CEP250: variants seen among roughly 807,000 people sequenced by gnomAD.
CEP250 encodes centrosomal protein 250, also known as centrosome-associated protein CEP250.
Under a neutral mutation model 315.7 loss-of-function variants are expected in CEP250, and 242 were observed. That is an observed-to-expected ratio of 0.77 (90% CI 0.69 to 0.85). CEP250 has a LOEUF of 0.85. CEP250 is among the 40% of genes least tolerant of loss of function. CEP250 has a pLI of 0.00. For synonymous variants in CEP250, 1,088 were observed against 1,175.0 expected (o/e 0.93, Z 1.51); for missense variants, 2,515 against 2,886.4 (o/e 0.87, Z 2.95).
chr20:35,487,192 G>A lies in CEP250; in HGVS notation c.2587-3445G>A, dbSNP rs1382857215. Among the ~76,000 whole-genome samples, 7 of 152,292 alleles carry A rather than the reference G, an allele frequency of 4.6e-5. No individual in the cohort carries two copies. In the South Asian group the frequency reaches 6.2e-4, roughly 14 times the overall value. ...ATTAGAAGCACTCTTGGGAGGCCGC[G>A]CGTGGTGGCTCACACCTGTAATCCC... On this transcript the variant is annotated intron_variant, in intron 20 of 34. Transcript: ENST00000397527.
At chr20:35,478,163 A>T (rs2063227777) in intron 17 of CEP250, 62 bp downstream of exon 17, 1 of 1,074,734 alleles carries the variant, frequency 9.3e-7, no homozygotes, top group African/African-American at 1.6e-5. Context: ...ATAAAAAATT[A>T]AAACACTACA....
At chr20:35,493,365 C>CA (rs903823805) in intron 22 of CEP250, 64 bp from the exon 23 acceptor site, 134 of 1,410,948 alleles carry the variant, frequency 9.5e-5, no homozygotes, top group Non-Finnish European at 1.1e-4. Flanking sequence ...GCCACCCCAC[C>CA]AAAAAAACCA....
intron 17 of CEP250, 53 bp from the exon 18 acceptor site, chr20:35,479,178 G>T: frequency 6.4e-7 from 1 of 1,555,092 alleles, no homozygotes; most frequent in South Asian, 1.2e-5. Context: ...GGTGGTAGCG[G>T]CCCCAGGGGA....
Position 35,492,165 on chromosome 20 carries a change from A to G in CEP250, c.2889+819A>G, listed in dbSNP as rs141425064. 5.6e-4 allele frequency among the ~76,000 whole-genome samples: 86 copies of G among 152,322 alleles called. No individual in the cohort carries two copies. In the East Asian group the frequency reaches 0.013, roughly 23 times the overall value. On this transcript the variant is annotated intron_variant, in intron 22 of 34. Coordinates refer to ENST00000397527, the MANE Select transcript of CEP250 (RefSeq NM_007186.6). ...ATCTGAGCTGAGACTTGAAGGTTAGAAAGAAACCAGCTCCGTGATACAACA... is the reference window on the plus strand; with the variant it reads ...ATCTGAGCTGAGACTTGAAGGTTAGGAAGAAACCAGCTCCGTGATACAACA...
chr20:35,470,548 G>A (rs1222801288), intron 10 of CEP250, among the ~76,000 whole-genome samples: 1 of 152,170 alleles, frequency 6.6e-6, no homozygotes, highest in African/African-American at 2.4e-5. Flanking sequence ...TCGGGAGTTT[G>A]AGACCGGCCT....
At chr20:35,465,324 G>A (rs1385877970) in intron 5 of CEP250, among the ~76,000 whole-genome samples, 1 of 151,672 alleles carries the variant, frequency 6.6e-6, no homozygotes, top group Non-Finnish European at 1.5e-5. Flanking sequence ...GGAGGCTAAG[G>A]CAGGAGAATC....
chr20:35,467,745 C>T (rs1052034301), intron 9 of CEP250, among the ~76,000 whole-genome samples, 190 bp downstream of exon 9: 1 of 152,100 alleles, frequency 6.6e-6, no homozygotes, highest in African/African-American at 2.4e-5. Flanking sequence ...CTCAGCCTGT[C>T]TTTTAGCCCA....
Position 35,462,542 on chromosome 20 carries a change from C to G in CEP250, c.175C>G (p.Leu59Val), listed in dbSNP as rs753936148. Reference protein sequence around the residue: ...QQRQATLVRKLQAKVLQYRSW... With the variant: ...QQRQATLVRKVQAKVLQYRSW... ...GAGACAAGCAACCCTTGTGAGGAAG[C>G]TGCAGGCCAAGGTGAGGCAGCTGCC... Residue 59 changes from leucine to valine, a missense_variant, in exon 4 of 35, where the codon CTG becomes GTG. Leu to Val is a conservative substitution (Grantham distance 32). Coordinates refer to ENST00000397527, the MANE Select transcript of CEP250 (RefSeq NM_007186.6). 1 of 1,603,802 alleles carries G rather than the reference C, an allele frequency of 6.2e-7. No individual in the cohort carries two copies. The highest frequency in any genetic ancestry group is 2.2e-5 in the East Asian group (1 of 44,446).
At position 35,479,427 on chromosome 20, in the gene CEP250, A is replaced by G. The variant is rs1386568469; in HGVS notation, c.2288+3A>G. The G allele has an allele frequency of 6.2e-7, 1 of 1,611,856 alleles. No homozygotes were observed. The highest frequency in any genetic ancestry group is 8.5e-7 in the Non-Finnish European group (1 of 1,178,976). On this transcript the variant is annotated splice_donor_region_variant and intron_variant, in intron 18 of 34. Coordinates refer to ENST00000397527, the MANE Select transcript of CEP250 (RefSeq NM_007186.6). ...GCTGAACAACTACAGGGGCTCAGGT[A>G]GGGCCCAGACTCAGTTCAGCCAAGC...
intron 9 of CEP250, among the ~76,000 whole-genome samples, chr20:35,469,337 T>A (rs2062968210): frequency 1.3e-5 from 2 of 152,128 alleles, no homozygotes; most frequent in South Asian, 4.1e-4. Flanking sequence ...TTAGATAGCA[T>A]TCATTCAAGA....
intron 33 of CEP250, among the ~76,000 whole-genome samples, chr20:35,509,686 C>T (rs770633631): frequency 1.3e-5 from 2 of 152,224 alleles, no homozygotes; most frequent in Non-Finnish European, 2.9e-5. Flanking sequence ...TAGCTCACAG[C>T]CCAGGGCTAG....
rs1330675094 is a variant in CEP250 at position 35,507,818 on chromosome 20, G to A, written c.6717G>A (p.Gly2239=). The A allele has an allele frequency of 3.2e-6, 5 of 1,585,300 alleles. No individual in the cohort carries two copies. Among genetic ancestry groups the A allele is most frequent in the Non-Finnish European group, 4.3e-6 (5 of 1,165,922 alleles). The part of the protein sequence containing the change: ...SPGATSTAEL[G]SRGEQGVQLG... ...GTGCAACCAGCACAGCAGAACTGGG[G>A]TCCAGAGGGGAGCAGGGTGTGCAGC... The change falls in exon 31 of 35, where the codon GGG becomes GGA. Residue 2239 remains glycine, a synonymous_variant. Transcript: ENST00000397527.
chr20:35,510,822 C>G (rs2064333536), intron 34 of CEP250, among the ~76,000 whole-genome samples: 1 of 152,176 alleles, frequency 6.6e-6, no homozygotes, highest in South Asian at 2.1e-4. Flanking sequence ...TGACGAAACC[C>G]TGTCTGTACT....
chr20:35,505,640 G>A (rs1450299333), intron 30 of CEP250, among the ~76,000 whole-genome samples: 4 of 124,088 alleles, frequency 3.2e-5, no homozygotes, highest in East Asian at 2.5e-4. Flanking sequence ...GCAAAGAAAC[G>A]AGACTCCATC....
At chr20:35,471,109 CT>C (rs201099608) in intron 10 of CEP250, among the ~76,000 whole-genome samples, 2 of 151,488 alleles carry the variant, frequency 1.3e-5, no homozygotes, top group Non-Finnish European at 2.9e-5. Flanking sequence ...CTGATTCCCT[CT>C]TTTTTTTTCA....
intron 15 of CEP250, among the ~76,000 whole-genome samples, 167 bp downstream of exon 15, chr20:35,475,813 T>G (rs1033498942): frequency 2.6e-5 from 4 of 152,246 alleles, no homozygotes; most frequent in Non-Finnish European, 5.9e-5. Context: ...GGAATTAGAA[T>G]GGGCTTTCTA....
At chr20:35,468,436 G>A (rs2062944870) in intron 9 of CEP250, among the ~76,000 whole-genome samples, 1 of 152,084 alleles carries the variant, frequency 6.6e-6, no homozygotes, top group Admixed American at 6.6e-5. Context: ...AAAAAATAAT[G>A]ACATAGAAGG....
At position 35,517,061 on chromosome 20, in the gene CEP250, C is replaced by T. The variant is rs999000825; in HGVS notation, c.*5435C>T. On this transcript the variant is annotated 3_prime_UTR_variant, in exon 35 of 35. Transcript: ENST00000397527. ...TGGGAAGCCATGGTCACAGACTCTA[C>T]ATTCCCCTCTCCTGTTGGCCTCCAT... is the stretch of plus-strand genomic sequence containing the variant. 8 of 982,068 alleles carry T rather than the reference C, an allele frequency of 8.1e-6. No homozygotes were observed. In the South Asian group the frequency reaches 3.8e-4, roughly 46 times the overall value. 60.8% of individuals were successfully genotyped at this position (982,068 alleles called of 1,614,324 possible).
chr20:35,490,954 C>A, intron 21 of CEP250, 150 bp downstream of exon 21: 2 of 933,560 alleles, frequency 2.1e-6, no homozygotes, highest in East Asian at 2.6e-5. Context: ...CAGGGTGGTC[C>A]GCACCATTAG....
Sources: gnomAD v4.1 joint callset for allele counts (sites outside exome capture counted in the v4.1 genomes callset) on GRCh38, gnomAD v4.1.1 for gene constraint, MANE v1.5 for transcripts, NCBI Gene and HGNC (gene_info 2026-07-23, HGNC 2026-07-21) for gene names.